Variants in TRPS1 observed in about 807,000 individuals in gnomAD.
TRPS1 encodes transcriptional repressor GATA binding 1.
TRPS1 carries 6 observed loss-of-function variants against 101.2 expected under a neutral mutation model. The ratio of observed to expected loss-of-function variants is 0.06; its 90% CI spans 0.03 to 0.12. The LOEUF (loss-of-function observed/expected upper bound fraction) is 0.12. TRPS1 is among the 10% of genes least tolerant of loss of function. The pLI is 1.00. For synonymous variants in TRPS1, 578 were observed against 589.8 expected, an observed-to-expected ratio of 0.98 and a Z score of 0.29; for missense variants, 1,363 against 1,567.0, an observed-to-expected ratio of 0.87 and a Z score of 2.20.
intron 1 of TRPS1, among the ~76,000 whole-genome samples, chr8:115,635,115 A>G (rs939454762): frequency 6.6e-6 from 1 of 152,192 alleles, no homozygotes; most frequent in Non-Finnish European, 1.5e-5. Context: ...CTGTTCAAGA[A>G]TATTTTCTGA....
chr8:115,583,008 T>C (rs1186886997), intron 5 of TRPS1, among the ~76,000 whole-genome samples: 1 of 152,174 alleles, frequency 6.6e-6, no homozygotes, highest in East Asian at 1.9e-4. Flanking sequence ...TAAGCTTAAC[T>C]GTACTTCCGT....
In TRPS1 at chr8:115,572,299, A is replaced by T. The variant is rs539005976; in HGVS notation, c.2700+14702T>A. 1.1e-4 allele frequency among the ~76,000 whole-genome samples: 17 copies of T among 152,198 alleles called. No homozygotes were observed. In the South Asian group the frequency reaches 3.5e-3, roughly 32 times the overall value. The stretch of plus-strand genomic sequence containing the variant: ...AGTGAAAAGTTCAACTTCTGCTTAG[A>T]TTCTCTGTAGGCTAGTGTACTATGT... On this transcript the variant is annotated intron_variant, in intron 5 of 6. Transcript: ENST00000395715.
chr8:115,458,198 T>C (rs1814077152), intron 5 of TRPS1, among the ~76,000 whole-genome samples: 1 of 152,140 alleles, frequency 6.6e-6, no homozygotes, highest in African/African-American at 2.4e-5. Context: ...ACAGAATGAC[T>C]CACAGGAGGT....
rs1563648185 is a variant in TRPS1 at position 115,619,362 on chromosome 8, C to T, written c.736G>A (p.Gly246Ser). 1.2e-6 allele frequency: 2 copies of T among 1,614,112 alleles called. No individual in the cohort carries two copies. Among genetic ancestry groups the T allele is most frequent in the Non-Finnish European group, 1.7e-6 (2 of 1,180,032 alleles). The change falls in exon 3 of 7, where the codon GGC becomes AGC. Residue 246 changes from glycine to serine, a missense_variant. This residue lies in a region of TRPS1 where 1,020 missense variants were observed against 1,073.0 expected (regional missense o/e 0.95). Coordinates refer to ENST00000395715, the MANE Select transcript of TRPS1 (RefSeq NM_014112.5). ...KCNICGYGYY[G>S]NDPTDLIKHF... ...TTAATCAGATCTGTGGGGTCGTTGC[C>T]GTAGTAACCATATCCACAGATATTG...
At chr8:115,658,270 T>C (rs1216385766) in intron 1 of TRPS1, among the ~76,000 whole-genome samples, 1 of 152,068 alleles carries the variant, frequency 6.6e-6, no homozygotes, top group African/African-American at 2.4e-5. Flanking sequence ...AACAGCACAG[T>C]AGCGCACCAG....
chr8:115,549,356 T>C (rs1816650455), intron 5 of TRPS1, among the ~76,000 whole-genome samples: 2 of 152,200 alleles, frequency 1.3e-5, no homozygotes, highest in Non-Finnish European at 2.9e-5. Context: ...AGAGTCAATA[T>C]CAATTATGTT....
chr8:115,578,896 T>A (rs1051703036), intron 5 of TRPS1, among the ~76,000 whole-genome samples: 3 of 152,066 alleles, frequency 2.0e-5, no homozygotes, highest in Non-Finnish European at 4.4e-5. Flanking sequence ...ATGAAACAAA[T>A]TAATTCTGAA....
chr8:115,622,934 A>T (rs1421912034), intron 2 of TRPS1, among the ~76,000 whole-genome samples: 1 of 152,178 alleles, frequency 6.6e-6, no homozygotes, highest in African/African-American at 2.4e-5. Context: ...AATAGATCTA[A>T]ATACATTAGT....
At chr8:115,535,293 T>TATATATAGCATATATAG (rs1554583831) in intron 5 of TRPS1, among the ~76,000 whole-genome samples, 4 of 106,496 alleles carry the variant, frequency 3.8e-5, no homozygotes, top group Admixed American at 2.1e-4. Context: ...AGCATATATA[T>TATATATAGCATATATAG]AGCATATATA....
At chr8:115,493,968 C>G (rs539358582) in intron 5 of TRPS1, among the ~76,000 whole-genome samples, 3 of 152,236 alleles carry the variant, frequency 2.0e-5, no homozygotes, top group African/African-American at 7.2e-5. Flanking sequence ...TTCCACATAT[C>G]TTTCACAAGG....
At chr8:115,474,027 A>G (rs188357833) in intron 5 of TRPS1, among the ~76,000 whole-genome samples, 16 of 152,312 alleles carry the variant, frequency 1.1e-4, no homozygotes, top group Non-Finnish European at 7.4e-5. Context: ...CATTCATGTT[A>G]TAAGTGGCAA....
At chr8:115,593,978 C>T (rs1468559123) in intron 4 of TRPS1, among the ~76,000 whole-genome samples, 1 of 151,970 alleles carries the variant, frequency 6.6e-6, no homozygotes, top group Admixed American at 6.6e-5. Context: ...TCTATTGATT[C>T]CCCTCATCAC....
At chr8:115,544,899 T>TA (rs1221918455) in intron 5 of TRPS1, among the ~76,000 whole-genome samples, 1 of 151,802 alleles carries the variant, frequency 6.6e-6, no homozygotes, top group Non-Finnish European at 1.5e-5. Context: ...AAAAGCAAGA[T>TA]ATAACTTTTT....
At chr8:115,528,587 TATTA>T (rs1816056630) in intron 5 of TRPS1, among the ~76,000 whole-genome samples, 1 of 152,074 alleles carries the variant, frequency 6.6e-6, no homozygotes, top group Admixed American at 6.6e-5. Context: ...CACTGACCAT[TATTA>T]ATCCAGCTAC....
chr8:115,580,366 C>T (rs1462053942), intron 5 of TRPS1, among the ~76,000 whole-genome samples: 5 of 151,768 alleles, frequency 3.3e-5, no homozygotes, highest in African/African-American at 1.2e-4. Context: ...ATTAATGTGC[C>T]TGTAAAATGG....
intron 1 of TRPS1, among the ~76,000 whole-genome samples, chr8:115,634,826 A>C (rs1818729960): frequency 6.6e-6 from 1 of 151,990 alleles, no homozygotes; most frequent in South Asian, 2.1e-4. Context: ...ATTAAGAAAG[A>C]AAATTGCAGC....
At chr8:115,662,302 C>CTA (rs976691712) in intron 1 of TRPS1, among the ~76,000 whole-genome samples, 5 of 151,448 alleles carry the variant, frequency 3.3e-5, no homozygotes, top group Non-Finnish European at 5.9e-5. Flanking sequence ...TTAATTTTCA[C>CTA]TATATATATT....
rs144614841 is a variant in TRPS1, at chr8:115,535,078, A to G, written c.2700+51923T>C. Among the ~76,000 whole-genome samples, 1,403 of 147,818 alleles carry G rather than the reference A, an allele frequency of 9.5e-3. 19 individuals carry two copies. The highest frequency in any genetic ancestry group is 0.033 in the African/African-American group (1,332 of 40,596). On this transcript the variant is annotated intron_variant, in intron 5 of 6. Coordinates refer to ENST00000395715, the MANE Select transcript of TRPS1 (RefSeq NM_014112.5). ...ATGTATAGCATATATATAAGCATAT[A>G]TATAGCATATATATCGCATATGTAT...
At chr8:115,657,659 T>C (rs945846254) in intron 1 of TRPS1, among the ~76,000 whole-genome samples, 2 of 152,170 alleles carry the variant, frequency 1.3e-5, no homozygotes, top group African/African-American at 4.8e-5. Context: ...TTCACATTTA[T>C]AAACTTGGAA....
Sources: allele counts gnomAD v4.1 joint callset (sites outside exome capture counted in the v4.1 genomes callset), GRCh38; gene constraint gnomAD v4.1.1; regional missense constraint gnomAD v4.1.1; transcripts MANE v1.5; gene names NCBI Gene and HGNC (gene_info 2026-07-23, HGNC 2026-07-21).